Variants in CEP295NL observed in about 807,000 individuals in gnomAD.
CEP295NL encodes CEP295 N-terminal like.
A neutral mutation model predicts 4.6 loss-of-function variants in CEP295NL; 3 were observed. The ratio of observed to expected loss-of-function variants is 0.65; its 90% CI spans 0.30 to 1.69. The LOEUF (loss-of-function observed/expected upper bound fraction) is 1.69. Ranked by LOEUF, CEP295NL falls within the 40% of genes most tolerant of loss-of-function variation. CEP295NL has a pLI of 0.10. For synonymous variants in CEP295NL, 295 were observed against 312.2 expected (o/e 0.94, Z 0.58); for missense variants, 719 against 769.0 (o/e 0.93, Z 0.77).
rs1455722269 is a variant in CEP295NL, at chr17:78,890,822, T to C, written c.1682A>G (p.Gln561Arg). Residue 561 changes from glutamine (Q) to arginine (R), a missense_variant, in exon 3 of 3, where the codon CAG becomes CGG. Physicochemically the swap from Gln to Arg is conservative, Grantham distance 43. Coordinates refer to ENST00000322630, the MANE Select transcript of CEP295NL (RefSeq NM_001243540.2). ...GAGCTCAGATCCTCTCTCCCTTTCC[T>C]GGGCTCTCGTGGAGGAGGACTTCAG... is the stretch of plus-strand genomic sequence containing the variant. ...AHLKSSSTRA[Q>R]ERERGSELST... 3 of 1,550,666 alleles carry C rather than the reference T, an allele frequency of 1.9e-6. No individual in the cohort carries two copies. The highest frequency in any genetic ancestry group is 2.6e-6 in the Non-Finnish European group (3 of 1,147,014).
In CEP295NL at chr17:78,890,617, C is replaced by A; in HGVS notation, c.*21G>T. 6.5e-7 allele frequency: 1 copy of A among 1,544,506 alleles called. No homozygotes were observed. Among genetic ancestry groups the A allele is most frequent in the Non-Finnish European group, 8.7e-7 (1 of 1,142,914 alleles). ...AGCACCATTATCAGTGATGTATTTA[C>A]CCCGGGTGGGCCTCTCGCATTTAGC... On this transcript the variant is annotated 3_prime_UTR_variant, in exon 3 of 3. Coordinates refer to ENST00000322630, the MANE Select transcript of CEP295NL (RefSeq NM_001243540.2).
rs553520865 is a variant in CEP295NL at position 78,890,780 on chromosome 17, G to T, written c.1724C>A (p.Ser575Ter). ...RGSELSTTSP[S>*]GTSLADDDRH... is the part of the protein sequence containing the mutation. ...GTCGTCGTCGGCGAGGCTGGTGCCC[G>T]ATGGGGAAGTGGTGCTGAGCTCAGA... The change falls in exon 3 of 3, where the codon TCG becomes TAG. Residue 575 changes from serine to a stop codon, truncating the protein, a stop_gained. Transcript: ENST00000322630. LOFTEE classifies it low-confidence loss of function (END_TRUNC). 1 of 1,550,496 alleles carries T rather than the reference G, an allele frequency of 6.4e-7. No homozygotes were observed. The highest frequency in any genetic ancestry group is 8.7e-7 in the Non-Finnish European group (1 of 1,147,010).
rs573853857 is a variant in CEP295NL, at chr17:78,896,716, G to C, written c.45-4257C>G. 3.9e-5 allele frequency among the ~76,000 whole-genome samples: 6 copies of C among 152,096 alleles called. No individual in the cohort carries two copies. The highest frequency in any genetic ancestry group is 8.8e-5 in the Non-Finnish European group (6 of 68,016). On this transcript the variant is annotated intron_variant, in intron 2 of 2. Coordinates refer to ENST00000322630, the MANE Select transcript of CEP295NL (RefSeq NM_001243540.2). This position sits in a 1 kb window ranked among gnomAD's most constrained non-coding sequence, Gnocchi z 4.4. ...TCCCCCCTCCGCAGAAGCCGCGCTCGGAGCAGCAGAAGGAAGGCGAGTGGA... is the reference window on the plus strand; with the variant it reads ...TCCCCCCTCCGCAGAAGCCGCGCTCCGAGCAGCAGAAGGAAGGCGAGTGGA...
Position 78,891,817 on chromosome 17 carries a change from A to AG in CEP295NL, c.686dup (p.Ser230PhefsTer86). On this transcript the variant is annotated frameshift_variant, in exon 3 of 3. Coordinates refer to ENST00000322630, the MANE Select transcript of CEP295NL (RefSeq NM_001243540.2). LOFTEE classifies it low-confidence loss of function (END_TRUNC). The surrounding 1 kb of genome is among the most constrained non-coding windows in gnomAD (Gnocchi z 4.5). Reference sequence around the variant, plus strand: ...AGCGGCCACCCCCAGACTTGGTCGAAGGTTCTGGCCTTCCCTTTCTCTTCT... The same window carrying AG: ...AGCGGCCACCCCCAGACTTGGTCGAAGGGTTCTGGCCTTCCCTTTCTCTTCT... The AG allele has an allele frequency of 6.4e-7, 1 of 1,550,814 alleles. No homozygotes were observed. Among genetic ancestry groups the AG allele is most frequent in the Non-Finnish European group, 8.7e-7 (1 of 1,147,030 alleles).
At chr17:78,894,482 A>G (rs2069967138) in intron 2 of CEP295NL, among the ~76,000 whole-genome samples, 1 of 152,148 alleles carries the variant, frequency 6.6e-6, no homozygotes, top group Non-Finnish European at 1.5e-5. Flanking sequence ...AGGGAGAGAG[A>G]AAGCTGGGCC....
chr17:78,893,404 TG>T (rs1247485583), intron 2 of CEP295NL, among the ~76,000 whole-genome samples: 1 of 123,276 alleles, frequency 8.1e-6, no homozygotes, highest in Non-Finnish European at 1.6e-5. Flanking sequence ...TATGCAGGGG[TG>T]TGTGTGCATA....
In CEP295NL at chr17:78,892,420, G is replaced by A. The variant is rs1174798449; in HGVS notation, c.84C>T (p.Gly28=). 3.9e-6 allele frequency: 6 copies of A among 1,549,910 alleles called. No homozygotes were observed. The highest frequency in any genetic ancestry group is 4.4e-6 in the Non-Finnish European group (5 of 1,146,758). ...TGGAGGGTTCAAGGGGCGCCCCCGGGCCTGAGGAGCCACAGAAGCCACAAC... is the reference window on the plus strand; with the variant it reads ...TGGAGGGTTCAAGGGGCGCCCCCGGACCTGAGGAGCCACAGAAGCCACAAC... ...VERCGFCGSS[G]PGAPLEPSTL... Residue 28 remains glycine (G), a synonymous_variant, in exon 3 of 3, where the codon GGC becomes GGT. Transcript: ENST00000322630.
chr17:78,891,015 C>A lies in CEP295NL; in HGVS notation c.1489G>T (p.Gly497Cys), dbSNP rs1309425362. The A allele has an allele frequency of 2.6e-6, 4 of 1,551,184 alleles. No individual in the cohort carries two copies. In the South Asian group the frequency reaches 4.8e-5, roughly 18 times the overall value. Residue 497 changes from glycine (G) to cysteine (C), a missense_variant, in exon 3 of 3, where the codon GGC becomes TGC. Coordinates refer to ENST00000322630, the MANE Select transcript of CEP295NL (RefSeq NM_001243540.2). The surrounding 1 kb of genome is among the most constrained non-coding windows in gnomAD (Gnocchi z 4.5). The part of the protein sequence containing the change: ...LHLQDQADRV[G>C]STASRQRQKA... Reference sequence around the variant, plus strand: ...TGCCTTTGCCTGGATGCCGTCGAGCCCACTCTGTCTGCCTGGTCTTGAAGG... The same window carrying A: ...TGCCTTTGCCTGGATGCCGTCGAGCACACTCTGTCTGCCTGGTCTTGAAGG...
At chr17:78,898,223 G>A (rs1037378965) in intron 2 of CEP295NL, 2 of 152,254 alleles carry the variant, frequency 1.3e-5, no homozygotes, top group Non-Finnish European at 2.9e-5. Context: ...CATAGGAGGT[G>A]AGGCCTATTC....
At chr17:78,894,895 T>C (rs1313485773) in intron 2 of CEP295NL, among the ~76,000 whole-genome samples, 2 of 152,094 alleles carry the variant, frequency 1.3e-5, no homozygotes, top group South Asian at 2.1e-4. Flanking sequence ...AAGGAAATAT[T>C]TGCAAATCAT....
chr17:78,890,947 C>G lies in CEP295NL; in HGVS notation c.1557G>C (p.Ser519=), dbSNP rs1003856499. ...MEQRRQKQLE[S]LEQMEHPDMS... ...TATCTGGGTGTTCCATTTGTTCAAG[C>G]GATTCCAGTTGTTTTTGTCTTCTCT... is the stretch of plus-strand genomic sequence containing the variant. Residue 519 remains serine (S), a synonymous_variant, in exon 3 of 3, where the codon TCG becomes TCC. Coordinates refer to ENST00000322630, the MANE Select transcript of CEP295NL (RefSeq NM_001243540.2). 1.3e-6 allele frequency: 2 copies of G among 1,551,002 alleles called. No homozygotes were observed. Among genetic ancestry groups the G allele is most frequent in the African/African-American group, 1.4e-5 (1 of 73,116 alleles).
intron 2 of CEP295NL, among the ~76,000 whole-genome samples, chr17:78,894,792 A>G (rs904737356): frequency 1.3e-5 from 2 of 152,198 alleles, no homozygotes; most frequent in African/African-American, 4.8e-5. Context: ...AAAGAAACGG[A>G]TAAGCTGAAC....
Position 78,892,133 on chromosome 17 carries a change from A to C in CEP295NL, c.371T>G (p.Leu124Arg). ...LRRGYQEAQHLHVGGLDRLQS... is the reference protein window; with the variant it reads ...LRRGYQEAQHRHVGGLDRLQS... Reference sequence around the variant, plus strand: ...CAGCCTGTCCAGGCCACCGACGTGCAGGTGCTGTGCCTCCTGATACCCTCT... The same window carrying C: ...CAGCCTGTCCAGGCCACCGACGTGCCGGTGCTGTGCCTCCTGATACCCTCT... Residue 124 changes from leucine to arginine, a missense_variant, in exon 3 of 3, where the codon CTG (leucine) becomes CGG (arginine). Leu to Arg is a moderately radical substitution (Grantham distance 102). Transcript: ENST00000322630. 1 of 1,550,912 alleles carries C rather than the reference A, an allele frequency of 6.4e-7. No homozygotes were observed. The highest frequency in any genetic ancestry group is 8.7e-7 in the Non-Finnish European group (1 of 1,147,148).
chr17:78,891,875 G>C lies in CEP295NL; in HGVS notation c.629C>G (p.Thr210Arg). Residue 210 changes from threonine to arginine, a missense_variant, in exon 3 of 3, where the codon ACG becomes AGG. Transcript: ENST00000322630. This position sits in a 1 kb window ranked among gnomAD's most constrained non-coding sequence, Gnocchi z 4.5. Reference protein sequence around the residue: ...SPEKPQTTKATGRMNSHLAPP... With the variant: ...SPEKPQTTKARGRMNSHLAPP... ...GGCCAGGTGAGAATTCATCCGACCCGTGGCTTTTGTAGTCTGTGGTTTCTC... is the reference window on the plus strand; with the variant it reads ...GGCCAGGTGAGAATTCATCCGACCCCTGGCTTTTGTAGTCTGTGGTTTCTC... 1.3e-6 allele frequency: 2 copies of C among 1,550,636 alleles called. No individual in the cohort carries two copies. The highest frequency in any genetic ancestry group is 2.0e-5 in the Admixed American group (1 of 51,008).
Position 78,892,428 on chromosome 17 carries a change from A to T in CEP295NL, c.76T>A (p.Ser26Thr). Residue 26 changes from serine (S) to threonine (T), a missense_variant, in exon 3 of 3, where the codon TCC becomes ACC. Transcript: ENST00000322630. ...TCAAGGGGCGCCCCCGGGCCTGAGG[A>T]GCCACAGAAGCCACAACGTTCCACA... is the stretch of plus-strand genomic sequence containing the variant. The part of the protein sequence containing the change: ...FAVERCGFCG[S>T]SGPGAPLEPS... The T allele has an allele frequency of 6.5e-7, 1 of 1,549,860 alleles. No homozygotes were observed. Among genetic ancestry groups the T allele is most frequent in the South Asian group, 1.2e-5 (1 of 84,022 alleles).
intron 2 of CEP295NL, chr17:78,900,096 G>T (rs188544137): frequency 1.3e-5 from 2 of 152,218 alleles, no homozygotes; most frequent in Admixed American, 1.3e-4. Flanking sequence ...GAAATCCCTC[G>T]AGGGCTTTTA....
intron 2 of CEP295NL, chr17:78,892,661 G>C: frequency 1.4e-6 from 1 of 735,120 alleles, no homozygotes; most frequent in Non-Finnish European, 2.2e-6. Context: ...GAGCCTGTAG[G>C]GCAGCTGTTT....
chr17:78,892,224 G>A lies in CEP295NL; in HGVS notation c.280C>T (p.Gln94Ter). ...QARGKGDLALQRRADAKLWKN... is the reference protein window; with the variant it reads ...QARGKGDLAL ...CACAGCTTGGCATCCGCTCTTCTCT[G>A]CAGAGCGAGATCGCCTTTGCCCCGG... The change falls in exon 3 of 3, where the codon CAG (glutamine) becomes TAG (stop). Residue 94 changes from glutamine to a stop codon, truncating the protein, a stop_gained. Transcript: ENST00000322630. LOFTEE classifies it low-confidence loss of function (END_TRUNC). The A allele has an allele frequency of 1.9e-6, 3 of 1,551,050 alleles. No individual in the cohort carries two copies. Among genetic ancestry groups the A allele is most frequent in the Non-Finnish European group, 2.6e-6 (3 of 1,147,094 alleles).
rs2070005239 is a variant in CEP295NL, at chr17:78,896,660, G to C, written c.45-4201C>G. Among the ~76,000 whole-genome samples the C allele has an allele frequency of 6.6e-6, 1 of 152,070 alleles. No homozygotes were observed. The highest frequency in any genetic ancestry group is 2.4e-5 in the African/African-American group (1 of 41,402). ...GAGCTGACAAGCCTGCCTTCTGCTG[G>C]CTGCCTTCAACCACTCAGAGAAACC... On this transcript the variant is annotated intron_variant, in intron 2 of 2. Transcript: ENST00000322630. The surrounding 1 kb of genome is among the most constrained non-coding windows in gnomAD (Gnocchi z 4.4).
Sources: allele counts gnomAD v4.1 joint callset (sites outside exome capture counted in the v4.1 genomes callset), GRCh38; gene constraint gnomAD v4.1.1; non-coding constraint Gnocchi (gnomAD v3.1); transcripts MANE v1.5; gene names NCBI Gene and HGNC (gene_info 2026-07-23, HGNC 2026-07-21).